SLIT3: variants seen among roughly 807,000 people sequenced by gnomAD.
The protein encoded by SLIT3 is slit homolog 3 protein.
Under a neutral mutation model 184.0 loss-of-function variants are expected in SLIT3, and 68 were observed. The ratio of observed to expected loss-of-function variants is 0.37; its 90% CI spans 0.30 to 0.45. SLIT3 has a LOEUF of 0.45. Among genes scored for constraint, SLIT3 ranks in the 20% least tolerant of loss-of-function variants. The probability of loss-of-function intolerance (pLI) is 1.00; values close to 1 mark genes in which losing one functional copy is unlikely to be tolerated. For missense variants in SLIT3, 1,707 were observed against 2,026.0 expected (o/e 0.84, Z 3.02); for synonymous variants, 831 against 828.6 (o/e 1.00, Z -0.05).
At chr5:169,283,764 T>C (rs943528488) in intron 1 of SLIT3, among the ~76,000 whole-genome samples, 2 of 152,134 alleles carry the variant, frequency 1.3e-5, no homozygotes, top group African/African-American at 4.8e-5. Flanking sequence ...TCAGAAGAAA[T>C]ATGCCACCGG....
At chr5:169,295,611 G>A (rs538656958) in intron 1 of SLIT3, among the ~76,000 whole-genome samples, 10 of 152,226 alleles carry the variant, frequency 6.6e-5, no homozygotes, top group African/African-American at 1.7e-4. Context: ...GTCTGTCTCC[G>A]GAGCGCCTGC....
At chr5:168,937,715 G>A (rs1446208945) in intron 4 of SLIT3, among the ~76,000 whole-genome samples, 5 of 152,214 alleles carry the variant, frequency 3.3e-5, no homozygotes, top group Admixed American at 2.0e-4. Context: ...GCATGACTTC[G>A]GGTGAGCCAC....
intron 4 of SLIT3, among the ~76,000 whole-genome samples, chr5:168,963,030 A>G (rs1367811415): frequency 6.6e-6 from 1 of 152,190 alleles, no homozygotes; most frequent in African/African-American, 2.4e-5. Context: ...TCATTATTAC[A>G]TTTAGTTTCT....
At chr5:168,856,824 T>A (rs2113739168) in intron 5 of SLIT3, among the ~76,000 whole-genome samples, 1 of 138,514 alleles carries the variant, frequency 7.2e-6, no homozygotes, top group African/African-American at 2.9e-5. Context: ...CGCGCACGCC[T>A]TTGTTCAGAC....
At chr5:168,855,620 T>G (rs571702004) in intron 5 of SLIT3, among the ~76,000 whole-genome samples, 5 of 152,170 alleles carry the variant, frequency 3.3e-5, no homozygotes, top group African/African-American at 1.2e-4. Flanking sequence ...AAGCCAGACA[T>G]AAAAGGTCAA....
chr5:169,144,582 A>G lies in SLIT3; in HGVS notation c.413+48897T>C, dbSNP rs573673716. Among the ~76,000 whole-genome samples, 4 of 152,332 alleles carry G rather than the reference A, an allele frequency of 2.6e-5. No homozygotes were observed. In the South Asian group the frequency reaches 8.3e-4, roughly 32 times the overall value. On this transcript the variant is annotated intron_variant, in intron 4 of 35. Transcript: ENST00000519560. ...GTTTGACAAGTAAGTGAATGATGGA[A>G]GGTGTGTTTAGAATGACACTGAAAT...
In SLIT3 at chr5:169,251,611, T is replaced by G. The variant is rs1401998546; in HGVS notation, c.198-152A>C. 5 of 635,420 alleles carry G rather than the reference T, an allele frequency of 7.9e-6. No individual in the cohort carries two copies. The Admixed American group carries it at 1.1e-4, about 14-fold the overall frequency. 39.4% of individuals were successfully genotyped at this position (635,420 alleles called of 1,614,324 possible). ...TCCCTTGAGCGTGCCCGGCTAACCTTAAGGATATTGTATGGAATAAACCAT... is the reference window on the plus strand; with the variant it reads ...TCCCTTGAGCGTGCCCGGCTAACCTGAAGGATATTGTATGGAATAAACCAT... On this transcript the variant is annotated intron_variant, in intron 1 of 35. Coordinates refer to ENST00000519560, the MANE Select transcript of SLIT3 (RefSeq NM_003062.4).
chr5:168,823,351 AGAT>A lies in SLIT3; in HGVS notation c.558-23_558-21del, dbSNP rs1190451910. 1 of 1,595,382 alleles carries A rather than the reference AGAT, an allele frequency of 6.3e-7. No homozygotes were observed. Among genetic ancestry groups the A allele is most frequent in the Admixed American group, 1.7e-5 (1 of 59,978 alleles). On this transcript the variant is annotated intron_variant, in intron 6 of 35. Coordinates refer to ENST00000519560, the MANE Select transcript of SLIT3 (RefSeq NM_003062.4). The stretch of plus-strand genomic sequence containing the variant: ...AGGGTACTGTGGAGATAGACAAGGG[AGAT>A]GGTCAGCCAGGCAGCAGCAGGGGAG...
At chr5:168,741,060 G>A (rs767558628) in intron 20 of SLIT3, among the ~76,000 whole-genome samples, 6 of 152,284 alleles carry the variant, frequency 3.9e-5, no homozygotes, top group East Asian at 3.9e-4. Context: ...TCAAACTCAC[G>A]GTGGACATGA....
intron 4 of SLIT3, among the ~76,000 whole-genome samples, chr5:169,105,521 A>T (rs545011079): frequency 1.3e-5 from 2 of 152,194 alleles, no homozygotes; most frequent in Non-Finnish European, 2.9e-5. Context: ...CCAAGGTTGG[A>T]GTTGTCTTTG....
At chr5:168,783,128 G>T (rs147307808) in intron 12 of SLIT3, among the ~76,000 whole-genome samples, 2 of 152,276 alleles carry the variant, frequency 1.3e-5, no homozygotes, top group Non-Finnish European at 2.9e-5. Context: ...AGGAGGCTGT[G>T]CTTGGAGCCC....
chr5:168,765,828 A>G (rs1442830938), intron 14 of SLIT3, among the ~76,000 whole-genome samples: 1 of 152,138 alleles, frequency 6.6e-6, no homozygotes, highest in Non-Finnish European at 1.5e-5. Flanking sequence ...GTCATCTGGC[A>G]TCTTGCCTGC....
At chr5:168,742,880 GC>G (rs1763678307) in intron 20 of SLIT3, among the ~76,000 whole-genome samples, 1 of 151,670 alleles carries the variant, frequency 6.6e-6, no homozygotes, top group South Asian at 2.1e-4. Context: ...TGTTATCCCA[GC>G]ACTTTGGGAG....
chr5:169,218,191 C>T (rs149580093), intron 3 of SLIT3, among the ~76,000 whole-genome samples: 1 of 152,270 alleles, frequency 6.6e-6, no homozygotes, highest in Non-Finnish European at 1.5e-5. Context: ...TCAAATGTCC[C>T]CATATTCTTT....
chr5:169,129,182 C>T (rs1290659439), intron 4 of SLIT3, among the ~76,000 whole-genome samples: 6 of 152,150 alleles, frequency 3.9e-5, no homozygotes, highest in Admixed American at 2.6e-4. Context: ...CAGGAGAGCA[C>T]GTGTGAGTAA....
At position 169,287,765 on chromosome 5, in the gene SLIT3, G is replaced by A. The variant is rs557175531; in HGVS notation, c.197+12748C>T. ...TCTAGCAGGAGGGGATGTGGTGGAC[G>A]CGTTTCTCAGGGCGGTTGCAAGCCA... On this transcript the variant is annotated intron_variant, in intron 1 of 35. Transcript: ENST00000519560. 1.1e-4 allele frequency among the ~76,000 whole-genome samples: 16 copies of A among 152,290 alleles called. No homozygotes were observed. The East Asian group carries it at 1.4e-3, about 13-fold the overall frequency.
At chr5:168,803,338 A>G (rs963792354) in intron 9 of SLIT3, among the ~76,000 whole-genome samples, 3 of 152,230 alleles carry the variant, frequency 2.0e-5, no homozygotes, top group African/African-American at 7.2e-5. Context: ...AAAATATCAC[A>G]TTGTTCTTGT....
At chr5:168,841,108 G>C (rs1758231125) in intron 6 of SLIT3, among the ~76,000 whole-genome samples, 1 of 152,222 alleles carries the variant, frequency 6.6e-6, no homozygotes, top group Non-Finnish European at 1.5e-5. Context: ...CCACCCTGCA[G>C]CCCACAGCCG....
At chr5:168,985,626 G>A (rs776193365) in intron 4 of SLIT3, among the ~76,000 whole-genome samples, 3 of 152,164 alleles carry the variant, frequency 2.0e-5, no homozygotes, top group Non-Finnish European at 4.4e-5. Flanking sequence ...TCTGGGCTAA[G>A]GCAATTAGCA....
Sources: allele counts gnomAD v4.1 joint callset (sites outside exome capture counted in the v4.1 genomes callset), GRCh38; gene constraint gnomAD v4.1.1; transcripts MANE v1.5; gene names NCBI Gene and HGNC (gene_info 2026-07-23, HGNC 2026-07-21).